The following AKAP8 variants were observed in gnomAD, a reference collection of about 807,000 sequenced individuals.
AKAP8 encodes the protein A-kinase anchor protein 8.
In AKAP8, 24 loss-of-function variants were observed where a neutral mutation model predicts 67.5. That is an observed-to-expected ratio of 0.36 (90% CI 0.26 to 0.50). The LOEUF (loss-of-function observed/expected upper bound fraction) is 0.50. Ranked by LOEUF, AKAP8 falls within the 20% of genes least tolerant of loss-of-function variation. The pLI, the probability that AKAP8 is intolerant of heterozygous loss-of-function variation, is 0.97. For synonymous variants in AKAP8, 400 were observed against 371.1 expected (o/e 1.08, Z -0.90); for missense variants, 971 against 955.9 (o/e 1.02, Z -0.21).
rs1967185624 is a variant in AKAP8, at chr19:15,372,941, G to A, written c.771C>T (p.Gly257=). ...LFSQSMAPDY[G]VMGMQGAGGY... Reference sequence around the variant, plus strand: ...CGCCCGCCCCCTGCATGCCCATCACGCCGTAGTCGGGAGCCATGGACTGGG... The same window carrying A: ...CGCCCGCCCCCTGCATGCCCATCACACCGTAGTCGGGAGCCATGGACTGGG... Residue 257 remains glycine (G), a synonymous_variant, in exon 5 of 14, where the codon GGC becomes GGT. Coordinates refer to ENST00000269701, the MANE Select transcript of AKAP8 (RefSeq NM_005858.4). 3.9e-6 allele frequency: 6 copies of A among 1,539,622 alleles called. No individual in the cohort carries two copies. In the African/African-American group the frequency reaches 4.1e-5, roughly 11 times the overall value.
rs34063092 is a variant in AKAP8 at position 15,370,170 on chromosome 19, G to A, written c.1048C>T (p.Leu350Phe). ...GDEEFKGEDE[L>F]CDSGRQRGEK... ...CCTCTTTGCCTCCCAGAGTCGCAGA[G>A]TTCATCCTCCTGGAAAAGAGTATAC... The change falls in exon 8 of 14, where the codon CTC (leucine) becomes TTC (phenylalanine). Residue 350 changes from leucine (L) to phenylalanine (F), a missense_variant. Physicochemically the swap from Leu to Phe is conservative, Grantham distance 22 (BLOSUM62 0). Coordinates refer to ENST00000269701, the MANE Select transcript of AKAP8 (RefSeq NM_005858.4). 3.7e-3 allele frequency: 6,004 copies of A among 1,614,094 alleles called. 195 individuals are homozygous for A. The African/African-American group carries it at 0.073, about 20-fold the overall frequency.
chr19:15,362,232 C>A lies in AKAP8; in HGVS notation c.1180G>T (p.Val394Leu). ...TCATCAAAGCTACGGAACTTGCATACAGAACAGGCAAACTGAATTCTGTAG... is the reference window on the plus strand; with the variant it reads ...TCATCAAAGCTACGGAACTTGCATAAAGAACAGGCAAACTGAATTCTGTAG... ...AADRIQFACSVCKFRSFDDEE... is the reference protein window; with the variant it reads ...AADRIQFACSLCKFRSFDDEE... Residue 394 changes from valine (V) to leucine (L), a missense_variant, in exon 10 of 14, where the codon GTA becomes TTA. This residue lies in a region of AKAP8 where 763 missense variants were observed against 745.4 expected (regional missense o/e 1.02). Transcript: ENST00000269701. 1.9e-6 allele frequency: 3 copies of A among 1,614,088 alleles called. No individual in the cohort carries two copies. Among genetic ancestry groups the A allele is most frequent in the Non-Finnish European group, 2.5e-6 (3 of 1,180,000 alleles).
In AKAP8 at chr19:15,355,362, G is replaced by T; in HGVS notation, c.1632C>A (p.Asp544Glu). Residue 544 changes from aspartate (D) to glutamate (E), a missense_variant, in exon 14 of 14, where the codon GAC becomes GAA. Around this residue, in one of 3 missense-constraint regions of AKAP8, gnomAD observed 4 missense variants for 17.5 expected, o/e 0.23. Coordinates refer to ENST00000269701, the MANE Select transcript of AKAP8 (RefSeq NM_005858.4). ...KMLEKYLKGEDPFTSETVDPE... is the reference protein window; with the variant it reads ...KMLEKYLKGEEPFTSETVDPE... ...GATCAACAGTTTCACTGGTGAAAGG[G>T]TCCTCACCCTGGCCAAAGAGGAAAC... 1 of 1,611,810 alleles carries T rather than the reference G, an allele frequency of 6.2e-7. No homozygotes were observed. The highest frequency in any genetic ancestry group is 8.5e-7 in the Non-Finnish European group (1 of 1,178,916).
chr19:15,371,840 C>T (rs751584050), intron 7 of AKAP8, 112 bp downstream of exon 7: 66 of 1,227,630 alleles, frequency 5.4e-5, no homozygotes, highest in Non-Finnish European at 7.3e-5. Flanking sequence ...TGAATCCACT[C>T]AGAGGTAGTC....
At position 15,355,184 on chromosome 19, in the gene AKAP8, C is replaced by T; in HGVS notation, c.1810G>A (p.Ala604Thr). 2 of 1,611,930 alleles carry T rather than the reference C, an allele frequency of 1.2e-6. No individual in the cohort carries two copies. ...APAPESSGEP[A>T]EDEGPTDTAE... ...GTGTCCGTGGGGCCTTCGTCCTCAGCCGGCTCCCCGCTGCTCTCTGGAGCG... is the reference window on the plus strand; with the variant it reads ...GTGTCCGTGGGGCCTTCGTCCTCAGTCGGCTCCCCGCTGCTCTCTGGAGCG... Residue 604 changes from alanine (A) to threonine (T), a missense_variant, in exon 14 of 14, where the codon GCT (alanine) becomes ACT (threonine). By Grantham distance (58) the Ala-to-Thr change is moderately conservative. Coordinates refer to ENST00000269701, the MANE Select transcript of AKAP8 (RefSeq NM_005858.4).
In AKAP8 at chr19:15,373,875, G is replaced by A. The variant is rs1281694965; in HGVS notation, c.282C>T (p.Ala94=). The A allele has an allele frequency of 6.2e-7, 1 of 1,613,310 alleles. No individual in the cohort carries two copies. Among genetic ancestry groups the A allele is most frequent in the Non-Finnish European group, 8.5e-7 (1 of 1,179,956 alleles). ...TCATGTCCAAACGCTGGTTGATCTT[G>A]GCAATGAGGGAGTCGGAATTGTCGG... ...PCTDNSDSLI[A]KINQRLDMMS... Residue 94 remains alanine (A), a synonymous_variant, in exon 4 of 14, where the codon GCC becomes GCT. Transcript: ENST00000269701.
rs183909483 is a variant in AKAP8, at chr19:15,361,075, G to A, written c.1397-97C>T. On this transcript the variant is annotated intron_variant, in intron 11 of 13. Coordinates refer to ENST00000269701, the MANE Select transcript of AKAP8 (RefSeq NM_005858.4). ...CCACGTTTTCTCCCTGCAACTCTAA[G>A]GAATCAGAAGGGCACAGCCTGCCTT... The A allele has an allele frequency of 2.3e-3, 3,339 of 1,460,800 alleles. 5 individuals are homozygous for A. Among genetic ancestry groups the A allele is most frequent in the Non-Finnish European group, 2.9e-3 (3,152 of 1,086,208 alleles). The allele number at this position is 1,460,800 out of a possible 1,614,324, so 90.5% of individuals were successfully genotyped here.
In AKAP8 at chr19:15,354,876, C is replaced by T. The variant is rs2048266713; in HGVS notation, c.*39G>A. 1 of 1,602,696 alleles carries T rather than the reference C, an allele frequency of 6.2e-7. No individual in the cohort carries two copies. Among genetic ancestry groups the T allele is most frequent in the Non-Finnish European group, 8.5e-7 (1 of 1,172,934 alleles). The stretch of plus-strand genomic sequence containing the variant: ...ACCAAGGGAGAAAGACCAACGCATC[C>T]ATCATCCCAACGCCTTCCCTGGAAC... On this transcript the variant is annotated 3_prime_UTR_variant, in exon 14 of 14. Transcript: ENST00000269701.
At chr19:15,366,571 G>A (rs1156349589) in intron 9 of AKAP8, among the ~76,000 whole-genome samples, 1 of 149,820 alleles carries the variant, frequency 6.7e-6, no homozygotes, top group Non-Finnish European at 1.5e-5. Context: ...TTGCTCCGTC[G>A]CCCACGCTGG....
In AKAP8 at chr19:15,360,858, T is replaced by C. The variant is rs779034859; in HGVS notation, c.1517A>G (p.His506Arg). Residue 506 changes from histidine (H) to arginine (R), a missense_variant, in exon 12 of 14, where the codon CAC becomes CGC. By Grantham distance (29) the His-to-Arg change is conservative. Around this residue, in one of 3 missense-constraint regions of AKAP8, gnomAD observed 763 missense variants for 745.4 expected, o/e 1.02. Coordinates refer to ENST00000269701, the MANE Select transcript of AKAP8 (RefSeq NM_005858.4). ...QRHLHSVDHN[H>R]NRRLAAEQFK... is the part of the protein sequence containing the mutation. ...GGGAGGAAGACTCACCCTGCGGTTG[T>C]GATTGTGGTCCACGGAGTGCAGGTG... 3 of 1,613,084 alleles carry C rather than the reference T, an allele frequency of 1.9e-6. No individual in the cohort carries two copies. The highest frequency in any genetic ancestry group is 1.7e-4 in the Middle Eastern group (1 of 5,896).
intron 9 of AKAP8, among the ~76,000 whole-genome samples, chr19:15,363,358 G>GC (rs1360251499): frequency 6.9e-6 from 1 of 145,050 alleles, no homozygotes; most frequent in East Asian, 2.2e-4. Context: ...GGAGGTGGGG[G>GC]GGGGTCAGCC....
In AKAP8 at chr19:15,353,446, G is replaced by C. The variant is rs2048257939; in HGVS notation, c.*1469C>G. ...TGCCTTAAGAGAACAAGCTTAAAAG[G>C]CATGCTCACCCTGCGATTAAGACGC... On this transcript the variant is annotated 3_prime_UTR_variant, in exon 14 of 14. Coordinates refer to ENST00000269701, the MANE Select transcript of AKAP8 (RefSeq NM_005858.4). The C allele has an allele frequency of 6.7e-6, 1 of 148,502 alleles. No homozygotes were observed. The highest frequency in any genetic ancestry group is 6.8e-5 in the Admixed American group (1 of 14,710). 9.2% of individuals were successfully genotyped at this position (148,502 alleles called of 1,614,324 possible). A position where few individuals can be genotyped will look rare whatever the true frequency, so the allele number is the denominator to read the frequency against.
At position 15,358,516 on chromosome 19, in the gene AKAP8, G is replaced by A. The variant is rs117560310; in HGVS notation, c.1623+451C>T. ...CATGAGCCATAATTCCCGGTTCCCCGCTTTCCTTTATTTTCAAGACCAGTC... is the reference window on the plus strand; with the variant it reads ...CATGAGCCATAATTCCCGGTTCCCCACTTTCCTTTATTTTCAAGACCAGTC... On this transcript the variant is annotated intron_variant, in intron 13 of 13. Coordinates refer to ENST00000269701, the MANE Select transcript of AKAP8 (RefSeq NM_005858.4). Among the ~76,000 whole-genome samples, 1,138 of 151,990 alleles carry A rather than the reference G, an allele frequency of 7.5e-3. 28 individuals carry two copies. Among genetic ancestry groups the A allele is most frequent in the Admixed American group, 0.044 (670 of 15,224 alleles).
rs138675364 is a variant in AKAP8, at chr19:15,364,413, C to G, written c.1161-2162G>C. Among the ~76,000 whole-genome samples, 389 of 151,990 alleles carry G rather than the reference C, an allele frequency of 2.6e-3. 1 individual carries two copies. Among genetic ancestry groups the G allele is most frequent in the Middle Eastern group, 0.014 (4 of 294 alleles). ...TTGCCCAGGCTGGAGTGCAGTGGTG[C>G]GATCTTGGCTCACTGCAACCTCCGC... On this transcript the variant is annotated intron_variant, in intron 9 of 13. Coordinates refer to ENST00000269701, the MANE Select transcript of AKAP8 (RefSeq NM_005858.4).
At chr19:15,366,179 T>A (rs80294991) in intron 9 of AKAP8, among the ~76,000 whole-genome samples, 21 of 126,706 alleles carry the variant, frequency 1.7e-4, no homozygotes, top group South Asian at 5.2e-4. Context: ...CAAAAAGTAG[T>A]AAAAAAAAAA....
intron 9 of AKAP8, among the ~76,000 whole-genome samples, 178 bp downstream of exon 9, chr19:15,368,057 G>A (rs1967096727): frequency 2.0e-5 from 3 of 152,238 alleles, no homozygotes; most frequent in African/African-American, 7.2e-5. Context: ...TGTGCTGGGA[G>A]CACGAGTGAT....
chr19:15,372,186 T>C (rs577752561), intron 6 of AKAP8, 32 bp downstream of exon 6: 2 of 1,612,960 alleles, frequency 1.2e-6, no homozygotes, highest in Non-Finnish European at 1.7e-6. Flanking sequence ...CCATCCTACA[T>C]CTGTCTGGCC....
intron 9 of AKAP8, among the ~76,000 whole-genome samples, chr19:15,366,729 C>A (rs1967076906): frequency 6.6e-6 from 1 of 152,150 alleles, no homozygotes; most frequent in Admixed American, 6.5e-5. Context: ...CCTGCCTCAG[C>A]CTCCCGAGCA....
At chr19:15,370,216 GGT>G (rs758590764) in intron 7 of AKAP8, 37 bp from the exon 8 acceptor site, 2 of 1,613,146 alleles carry the variant, frequency 1.2e-6, no homozygotes, top group Middle Eastern at 3.3e-4. Flanking sequence ...GCAGTGAGCT[GGT>G]GTGTCCAGAC....
Sources: allele counts gnomAD v4.1 joint callset (sites outside exome capture counted in the v4.1 genomes callset), GRCh38; gene constraint gnomAD v4.1.1; regional missense constraint gnomAD v4.1.1; transcripts MANE v1.5; gene names NCBI Gene and HGNC (gene_info 2026-07-23, HGNC 2026-07-21).